FCF1: variants seen among roughly 807,000 people sequenced by gnomAD.
FCF1 encodes the protein rRNA-processing protein FCF1 homolog.
Under a neutral mutation model 32.5 loss-of-function variants are expected in FCF1, and 17 were observed. The ratio of observed to expected loss-of-function variants is 0.52; its 90% CI spans 0.36 to 0.78. The LOEUF is 0.78. FCF1 is among the 30% of genes least tolerant of loss of function. The pLI, the probability that FCF1 is intolerant of heterozygous loss-of-function variation, is 0.00. For synonymous variants in FCF1, 84 were observed against 78.4 expected (o/e 1.07, Z -0.38); for missense variants, 201 against 241.1 (o/e 0.83, Z 1.10).
At chr14:74,732,839 T>G in intron 6 of FCF1, 21 bp downstream of exon 6, 1 of 1,445,590 alleles carries the variant, frequency 6.9e-7, no homozygotes, top group African/African-American at 1.4e-5. Flanking sequence ...TTCATAACTG[T>G]TTACTTTGTG....
At chr14:74,724,983 C>T (rs371179831) in intron 5 of FCF1, among the ~76,000 whole-genome samples, 113 of 151,112 alleles carry the variant, frequency 7.5e-4, no homozygotes, top group African/African-American at 2.6e-3. Flanking sequence ...AAACTTTTTT[C>T]GCTGTTATAT....
intron 5 of FCF1, among the ~76,000 whole-genome samples, chr14:74,729,778 G>A (rs1325249471): frequency 4.6e-5 from 7 of 151,900 alleles, no homozygotes; most frequent in South Asian, 2.1e-4. Context: ...CTTTGAATGC[G>A]TCCCAGAGAT....
chr14:74,734,935 T>TA lies in FCF1; in HGVS notation c.*6dup. 1 of 1,612,630 alleles carries TA rather than the reference T, an allele frequency of 6.2e-7. No homozygotes were observed. Among genetic ancestry groups the TA allele is most frequent in the South Asian group, 1.1e-5 (1 of 91,052 alleles). ...TATGGAGCCCCTCGATTCTAATTCT[T>TA]ACAAGACACAGTTCCTCTGCCTTTC... On this transcript the variant is annotated 3_prime_UTR_variant, in exon 8 of 8. Transcript: ENST00000341162.
intron 4 of FCF1, among the ~76,000 whole-genome samples, chr14:74,722,457 C>T (rs979312754): frequency 3.9e-5 from 6 of 152,154 alleles, no homozygotes; most frequent in Non-Finnish European, 7.3e-5. Context: ...CATTTGCTAT[C>T]TATTTAGTTA....
chr14:74,734,247 T>G, intron 7 of FCF1, 77 bp downstream of exon 7: 1 of 821,222 alleles, frequency 1.2e-6, no homozygotes, highest in Non-Finnish European at 2.0e-6. Flanking sequence ...GTGATAAGGT[T>G]ATAAAGGATT....
chr14:74,721,576 C>T (rs1261959743), intron 4 of FCF1, among the ~76,000 whole-genome samples: 1 of 152,008 alleles, frequency 6.6e-6, no homozygotes, highest in Admixed American at 6.5e-5. Flanking sequence ...TGGAGGGCGC[C>T]TGTAATCCCA....
chr14:74,730,738 G>T (rs113507604), intron 5 of FCF1, among the ~76,000 whole-genome samples: 2 of 152,128 alleles, frequency 1.3e-5, no homozygotes, highest in African/African-American at 4.8e-5. Flanking sequence ...AGTGGCTAAC[G>T]CCTGTAATCC....
intron 5 of FCF1, among the ~76,000 whole-genome samples, chr14:74,724,513 T>A (rs555932617): frequency 6.6e-6 from 1 of 152,356 alleles, no homozygotes; most frequent in African/African-American, 2.4e-5. Context: ...CTTGAACTCC[T>A]GGGCTCAAGT....
chr14:74,720,586 C>T (rs1034299119), intron 4 of FCF1, among the ~76,000 whole-genome samples: 1 of 152,064 alleles, frequency 6.6e-6, no homozygotes, highest in South Asian at 2.1e-4. Context: ...ATCATTTCTA[C>T]TTGCTTTTTA....
chr14:74,719,679 C>G (rs2090474455), intron 4 of FCF1, among the ~76,000 whole-genome samples: 1 of 152,148 alleles, frequency 6.6e-6, no homozygotes, highest in Admixed American at 6.6e-5. Context: ...GTGGGAGGAT[C>G]ACTTAAGCCT....
intron 2 of FCF1, 135 bp from the exon 3 acceptor site, chr14:74,714,737 T>C (rs893970465): frequency 2.5e-6 from 3 of 1,207,980 alleles, no homozygotes; most frequent in African/African-American, 3.1e-5. Flanking sequence ...TATGCTGATA[T>C]TAACATGAGG....
At chr14:74,729,261 T>C (rs1029486051) in intron 5 of FCF1, among the ~76,000 whole-genome samples, 5 of 152,102 alleles carry the variant, frequency 3.3e-5, no homozygotes, top group African/African-American at 1.2e-4. Context: ...AAGCTATTGA[T>C]TATTGCCACA....
chr14:74,730,510 T>G (rs1377645894), intron 5 of FCF1, among the ~76,000 whole-genome samples: 1 of 152,074 alleles, frequency 6.6e-6, no homozygotes, highest in Non-Finnish European at 1.5e-5. Flanking sequence ...GGCTAGGAGT[T>G]CAAGACCAGT....
chr14:74,731,235 G>T (rs1023626923), intron 5 of FCF1, among the ~76,000 whole-genome samples: 1 of 152,164 alleles, frequency 6.6e-6, no homozygotes, highest in Non-Finnish European at 1.5e-5. Flanking sequence ...CAGAAATGGG[G>T]TGTTAGCTGG....
intron 5 of FCF1, among the ~76,000 whole-genome samples, chr14:74,730,200 T>C (rs1377102740): frequency 6.7e-6 from 1 of 149,986 alleles, no homozygotes; most frequent in African/African-American, 2.5e-5. Flanking sequence ...TAGATATGTG[T>C]ATATGCTTTT....
chr14:74,732,955 C>T, intron 6 of FCF1, 137 bp downstream of exon 6: 1 of 570,910 alleles, frequency 1.8e-6, no homozygotes, highest in Non-Finnish European at 3.1e-6. Context: ...CATAGCATTC[C>T]TTCATAAGAA....
chr14:74,733,982 G>A (rs2090671579), intron 6 of FCF1, 94 bp from the exon 7 acceptor site: 3 of 796,238 alleles, frequency 3.8e-6, no homozygotes, highest in Admixed American at 1.9e-5. Context: ...GAAAATGAAC[G>A]ATTCTCAGAC....
Position 74,713,174 on chromosome 14 carries a change from A to G in FCF1, c.-24A>G. On this transcript the variant is annotated 5_prime_UTR_variant, in exon 1 of 8. Coordinates refer to ENST00000341162, the MANE Select transcript of FCF1 (RefSeq NM_015962.5). ...AGTATTGCGCCGTTGGTGATTACGG[A>G]AGAACCAGGAGTTTGGCGTGACCAT... 3 of 1,614,192 alleles carry G rather than the reference A, an allele frequency of 1.9e-6. No individual in the cohort carries two copies. Among genetic ancestry groups the G allele is most frequent in the Middle Eastern group, 3.3e-4 (2 of 6,062 alleles).
chr14:74,726,917 C>G (rs1004894125), intron 5 of FCF1, among the ~76,000 whole-genome samples: 12 of 151,950 alleles, frequency 7.9e-5, no homozygotes, highest in African/African-American at 2.7e-4. Context: ...TCATCCATGT[C>G]CCTACAAAGG....
Sources: gnomAD v4.1 joint callset for allele counts (sites outside exome capture counted in the v4.1 genomes callset) on GRCh38, gnomAD v4.1.1 for gene constraint, MANE v1.5 for transcripts, NCBI Gene and HGNC (gene_info 2026-07-23, HGNC 2026-07-21) for gene names.